The following DIDO1 variants were observed in gnomAD, a reference collection of about 807,000 sequenced individuals.
DIDO1 encodes the protein death-inducer obliterator 1.
In DIDO1, 16 loss-of-function variants were observed where a neutral mutation model predicts 99.4. The ratio of observed to expected loss-of-function variants is 0.16; its 90% confidence interval spans 0.11 to 0.24. The LOEUF (loss-of-function observed/expected upper bound fraction) is 0.24. Among genes scored for constraint, DIDO1 ranks in the 10% least tolerant of loss-of-function variants. The pLI, the probability that DIDO1 is intolerant of heterozygous loss-of-function variation, is 1.00. For missense variants in DIDO1, 2,996 were observed against 3,014.0 expected (o/e 0.99, Z 0.14); for synonymous variants, 1,366 against 1,239.1 (o/e 1.10, Z -2.15).
chr20:62,887,073 G>A (rs945776915), intron 15 of DIDO1: 6 of 977,202 alleles, frequency 6.1e-6, no homozygotes, highest in South Asian at 4.7e-5. Flanking sequence ...CCTGCACTGC[G>A]TCCTCTCCAG....
intron 1 of DIDO1, among the ~76,000 whole-genome samples, chr20:62,918,943 G>A (rs1470989967): frequency 6.6e-6 from 1 of 152,070 alleles, no homozygotes; most frequent in African/African-American, 2.4e-5. Context: ...TCATTAATGC[G>A]ACAGTCACTA....
Position 62,894,499 on chromosome 20 carries a change from A to AGCGGCGCTG in DIDO1, c.2477_2485dup (p.Pro828_Leu829insProAlaPro), listed in dbSNP as rs749565290. ...CAACATGCTGCTGAAGACGTCGAGAAGCGGCGCTGTGCTCTTCTCAGGGAC... is the reference window on the plus strand; with the variant it reads ...CAACATGCTGCTGAAGACGTCGAGAAGCGGCGCTGGCGGCGCTGTGCTCTTCTCAGGGAC... On this transcript the variant is annotated inframe_insertion, in exon 11 of 16. Transcript: ENST00000395343. This position sits in a 1 kb window ranked among gnomAD's most constrained non-coding sequence, Gnocchi z 4.4. 2.5e-6 allele frequency: 4 copies of AGCGGCGCTG among 1,613,252 alleles called. No homozygotes were observed. Among genetic ancestry groups the AGCGGCGCTG allele is most frequent in the Non-Finnish European group, 3.4e-6 (4 of 1,180,024 alleles).
At chr20:62,909,393 A>C (rs2064876404) in intron 4 of DIDO1, among the ~76,000 whole-genome samples, 1 of 152,278 alleles carries the variant, frequency 6.6e-6, no homozygotes, top group Non-Finnish European at 1.5e-5. Flanking sequence ...CAGGTGACAC[A>C]GGAGCACCGC....
At chr20:62,908,356 G>GC (rs2064852551) in intron 4 of DIDO1, among the ~76,000 whole-genome samples, 1 of 152,184 alleles carries the variant, frequency 6.6e-6, no homozygotes, top group South Asian at 2.1e-4. Flanking sequence ...GGAGACCACA[G>GC]CCCCCGCTGC....
At chr20:62,914,757 C>T (rs1179056046) in intron 1 of DIDO1, among the ~76,000 whole-genome samples, 1 of 152,102 alleles carries the variant, frequency 6.6e-6, no homozygotes, top group Middle Eastern at 3.2e-3. Flanking sequence ...CGAGATGGAC[C>T]CCACTCAATA....
At chr20:62,900,097 C>T (rs1191682280) in intron 6 of DIDO1, among the ~76,000 whole-genome samples, 2 of 152,104 alleles carry the variant, frequency 1.3e-5, no homozygotes, top group African/African-American at 4.8e-5. Flanking sequence ...GTACGAGCCT[C>T]CCCTACACGC....
In DIDO1 at chr20:62,880,885, G is replaced by A. The variant is rs764606927; in HGVS notation, c.5071C>T (p.Gln1691Ter). ...TGGGCTGAGCCGAGAGCCTTGTCCT[G>A]CGACGCGAACCCCGGGCAGGTGAAA... ...DPFTCPGFAS[Q>*]DKALGSAQYE... Residue 1691 changes from glutamine (Q) to a stop codon, truncating the protein, a stop_gained, in exon 16 of 16, where the codon CAG (glutamine) becomes TAG (stop). Coordinates refer to ENST00000395343, the MANE Select transcript of DIDO1 (RefSeq NM_001193369.2). LOFTEE classifies it low-confidence loss of function (END_TRUNC). The A allele has an allele frequency of 6.2e-7, 1 of 1,612,218 alleles. No homozygotes were observed.
At chr20:62,929,455 G>A (rs943258252), upstream of DIDO1, among the ~76,000 whole-genome samples, 7 of 152,082 alleles carry the variant, frequency 4.6e-5, no homozygotes, top group Non-Finnish European at 7.4e-5. Context: ...ATGGAGGCCT[G>A]CAGGGATGCA....
At chr20:62,930,965 A>G (rs750792043), upstream of DIDO1, among the ~76,000 whole-genome samples, 3 of 152,188 alleles carry the variant, frequency 2.0e-5, no homozygotes, top group Non-Finnish European at 4.4e-5. Context: ...TCCTTGAGAC[A>G]AGGTCTCACC....
chr20:62,934,832 C>T (rs947704329), intron 1 of DIDO1, among the ~76,000 whole-genome samples: 2 of 152,218 alleles, frequency 1.3e-5, no homozygotes, highest in Admixed American at 1.3e-4. Context: ...CACCCTGTGG[C>T]TTCAGGGAGC....
rs2064151191 is a variant in DIDO1, at chr20:62,879,143, G to A, written c.*90C>T. ...GTTTAAGTCCAGAATATTCTATCCT[G>A]AATCTAAGATCGTGGCTATTTCAAA... is the stretch of plus-strand genomic sequence containing the variant. On this transcript the variant is annotated 3_prime_UTR_variant, in exon 16 of 16. Transcript: ENST00000395343. The surrounding 1 kb of genome is among the most constrained non-coding windows in gnomAD (Gnocchi z 6.3). 5.8e-6 allele frequency: 7 copies of A among 1,210,786 alleles called. No individual in the cohort carries two copies. Among genetic ancestry groups the A allele is most frequent in the Non-Finnish European group, 7.7e-6 (7 of 912,468 alleles). The allele number at this position is 1,210,786 out of a possible 1,614,324, so 75.0% of individuals were successfully genotyped here. A position where few individuals can be genotyped will look rare whatever the true frequency, so the allele number is the denominator to read the frequency against.
chr20:62,895,604 A>G (rs2064501924), intron 8 of DIDO1, among the ~76,000 whole-genome samples: 1 of 152,250 alleles, frequency 6.6e-6, no homozygotes, highest in South Asian at 2.1e-4. Flanking sequence ...AAGTCAGGGT[A>G]TTTCATTATC....
At chr20:62,900,481 T>G (rs2064644524) in intron 6 of DIDO1, among the ~76,000 whole-genome samples, 1 of 152,148 alleles carries the variant, frequency 6.6e-6, no homozygotes, top group Non-Finnish European at 1.5e-5. Flanking sequence ...AGGCCCCCAC[T>G]GGAGGATGGT....
intron 15 of DIDO1, among the ~76,000 whole-genome samples, chr20:62,883,741 G>A (rs1016405555): frequency 2.0e-5 from 3 of 152,042 alleles, no homozygotes; most frequent in Non-Finnish European, 2.9e-5. Context: ...AGGAGAAATC[G>A]CTTGAACCCA....
At chr20:62,910,062 G>A (rs1245392401) in intron 3 of DIDO1, 42 bp from the exon 4 acceptor site, 10 of 1,574,118 alleles carry the variant, frequency 6.4e-6, no homozygotes, top group African/African-American at 4.0e-5. Flanking sequence ...GGACGTGAGT[G>A]ACAAGCACTT....
chr20:62,906,042 G>C lies in DIDO1; in HGVS notation c.1433C>G (p.Thr478Arg), dbSNP rs1422393437. 1.2e-6 allele frequency: 2 copies of C among 1,613,696 alleles called. No homozygotes were observed. The highest frequency in any genetic ancestry group is 3.3e-5 in the Admixed American group (2 of 60,010). The stretch of plus-strand genomic sequence containing the variant: ...AGGGACCACCACTGCCTTCTTCACT[G>C]TGGTCTCTTTTTTTTCTGGAGCTGG... Reference protein sequence around the residue: ...KRPAPEKKETTVKKAVVVPAR... With the variant: ...KRPAPEKKETRVKKAVVVPAR... The change falls in exon 6 of 16, where the codon ACA becomes AGA. Residue 478 changes from threonine to arginine, a missense_variant. Coordinates refer to ENST00000395343, the MANE Select transcript of DIDO1 (RefSeq NM_001193369.2).
At position 62,896,890 on chromosome 20, in the gene DIDO1, G is replaced by A. The variant is rs777341281; in HGVS notation, c.1695C>T (p.Asn565=). The change falls in exon 7 of 16, where the codon AAC becomes AAT. Residue 565 remains asparagine (N), a synonymous_variant. Transcript: ENST00000395343. The surrounding 1 kb of genome is among the most constrained non-coding windows in gnomAD (Gnocchi z 4.4). The part of the protein sequence containing the change: ...SAVGKQPAPR[N]LVPKKSSFAN... ...CAAAAGAAGACTTCTTTGGCACGAGGTTTCTAGGTGCAGGCTGCTTGCCCA... is the reference window on the plus strand; with the variant it reads ...CAAAAGAAGACTTCTTTGGCACGAGATTTCTAGGTGCAGGCTGCTTGCCCA... 3.7e-6 allele frequency: 6 copies of A among 1,614,068 alleles called. No homozygotes were observed. In the South Asian group the frequency reaches 5.5e-5, roughly 15 times the overall value.
At chr20:62,888,426 G>A (rs962503334) in intron 15 of DIDO1, 8 of 985,370 alleles carry the variant, frequency 8.1e-6, no homozygotes, top group Middle Eastern at 5.2e-4. Flanking sequence ...TGCATGTGCC[G>A]CAGAGAACTG....
chr20:62,909,580 G>A (rs892470910), intron 4 of DIDO1, 119 bp downstream of exon 4: 9 of 1,237,870 alleles, frequency 7.3e-6, no homozygotes, highest in African/African-American at 3.0e-5. Flanking sequence ...GCAGGAACCC[G>A]GGAGAGGCAC....
Sources: allele counts gnomAD v4.1 joint callset (sites outside exome capture counted in the v4.1 genomes callset), GRCh38; gene constraint gnomAD v4.1.1; non-coding constraint Gnocchi (gnomAD v3.1); transcripts MANE v1.5; gene names NCBI Gene and HGNC (gene_info 2026-07-23, HGNC 2026-07-21).